The following GOLGA6D variants were observed in gnomAD, a reference collection of about 807,000 sequenced individuals.
The protein encoded by GOLGA6D is golgin subfamily A member 6D.
Under a neutral mutation model 42.1 loss-of-function variants are expected in GOLGA6D, and 9 were observed. The observed-to-expected ratio is 0.21, with a 90% CI of 0.13 to 0.37. GOLGA6D has a LOEUF of 0.37. Ranked by LOEUF, GOLGA6D falls within the 10% of genes least tolerant of loss-of-function variation. The probability of loss-of-function intolerance (pLI) is 1.00; values close to 1 mark genes in which losing one functional copy is unlikely to be tolerated. For synonymous variants in GOLGA6D, 39 were observed against 167.3 expected, an observed-to-expected ratio of 0.23 and a Z score of 5.92; for missense variants, 87 against 420.8, an observed-to-expected ratio of 0.21 and a Z score of 6.94.
rs781058214 is a variant in GOLGA6D, at chr15:75,294,427, C to T, written c.2034C>T (p.Pro678=). 1.9e-6 allele frequency: 3 copies of T among 1,598,076 alleles called. No homozygotes were observed. The highest frequency in any genetic ancestry group is 2.6e-6 in the Non-Finnish European group (3 of 1,174,962). ...GGGAGGGTTCTCCCCATAACAACCC[C>T]ACTGTACAGCAGATCGTGCAGCTGT... is the stretch of plus-strand genomic sequence containing the variant. ...VAREGSPHNN[P]TVQQIVQLSP... is the part of the protein sequence containing the mutation. The change falls in exon 18 of 18, where the codon CCC becomes CCT. Residue 678 remains proline (P), a synonymous_variant. Transcript: ENST00000434739.
At chr15:75,284,801 AG>A (rs2070848869) in intron 2 of GOLGA6D, 32 bp downstream of exon 2, 1 of 69,782 alleles carries the variant, frequency 1.4e-5, no homozygotes, top group Non-Finnish European at 2.1e-5. Flanking sequence ...TCCTGGGGAC[AG>A]GGGGCCCAAG....
chr15:75,286,142 G>C (rs1371638278), intron 2 of GOLGA6D, among the ~76,000 whole-genome samples: 76 of 40,974 alleles, frequency 1.9e-3, no homozygotes, highest in African/African-American at 9.4e-3. Flanking sequence ...CTGTCACTCA[G>C]ACTGGAGTGG....
chr15:75,294,520 CCAGG>C lies in GOLGA6D; in HGVS notation c.*49_*52del. ...GCAAACCCTGCGTGCCATTCTTCTA[CCAGG>C]CAGCCGAGAACAGGGAGATAAACAT... On this transcript the variant is annotated 3_prime_UTR_variant, in exon 18 of 18. Transcript: ENST00000434739. 6.7e-7 allele frequency: 1 copy of C among 1,498,076 alleles called. No homozygotes were observed. The highest frequency in any genetic ancestry group is 9.0e-7 in the Non-Finnish European group (1 of 1,116,236). 92.8% of individuals were successfully genotyped at this position (1,498,076 alleles called of 1,614,324 possible). A position where few individuals can be genotyped will look rare whatever the true frequency, so the allele number is the denominator to read the frequency against.
At position 75,294,608 on chromosome 15, in the gene GOLGA6D, G is replaced by C; in HGVS notation, c.*133G>C. ...AACAACAACAACAACAAAAAGTTAC[G>C]GGGTTCATCTCCTACACAATTCATT... On this transcript the variant is annotated 3_prime_UTR_variant, in exon 18 of 18. Transcript: ENST00000434739. The C allele has an allele frequency of 1.1e-6, 1 of 904,056 alleles. No homozygotes were observed. The highest frequency in any genetic ancestry group is 1.9e-5 in the South Asian group (1 of 51,864). 56.0% of individuals were successfully genotyped at this position (904,056 alleles called of 1,614,324 possible). A position where few individuals can be genotyped will look rare whatever the true frequency, so the allele number is the denominator to read the frequency against.
At chr15:75,288,723 G>A (rs1327920756) in intron 7 of GOLGA6D, among the ~76,000 whole-genome samples, 2 of 27,912 alleles carry the variant, frequency 7.2e-5, no homozygotes. Flanking sequence ...GGAAAGGGGT[G>A]TGTGTGTGTG....
At chr15:75,278,995 T>C (rs1281596100), upstream of GOLGA6D, among the ~76,000 whole-genome samples, 1 of 148,424 alleles carries the variant, frequency 6.7e-6, no homozygotes, top group Non-Finnish European at 1.5e-5. Context: ...CACAGCAGCT[T>C]TCACTGTAAG....
the GOLGA6D span, among the ~76,000 whole-genome samples, chr15:75,277,688 C>T: frequency 5.5e-5 from 7 of 127,256 alleles, no homozygotes; most frequent in East Asian, 1.1e-3. Flanking sequence ...TAGCCAGGCA[C>T]GGTGGTGCCT....
At chr15:75,288,723 GT>G (rs2070865563) in intron 7 of GOLGA6D, among the ~76,000 whole-genome samples, 4 of 27,936 alleles carry the variant, frequency 1.4e-4, no homozygotes, top group Admixed American at 4.3e-4. Context: ...GGAAAGGGGT[GT>G]GTGTGTGTGT....
chr15:75,294,532 G>A lies in GOLGA6D; in HGVS notation c.*57G>A. 7.0e-7 allele frequency: 1 copy of A among 1,425,156 alleles called. No individual in the cohort carries two copies. The highest frequency in any genetic ancestry group is 2.3e-5 in the East Asian group (1 of 42,980). The allele number at this position is 1,425,156 out of a possible 1,614,324, so 88.3% of individuals were successfully genotyped here. A position where few individuals can be genotyped will look rare whatever the true frequency, so the allele number is the denominator to read the frequency against. ...TGCCATTCTTCTACCAGGCAGCCGA[G>A]AACAGGGAGATAAACATCATCATCT... On this transcript the variant is annotated 3_prime_UTR_variant, in exon 18 of 18. Transcript: ENST00000434739.
chr15:75,294,225 GCC>G lies in GOLGA6D; in HGVS notation c.1923_1924del (p.Gln642GlyfsTer7). On this transcript the variant is annotated frameshift_variant, in exon 17 of 18. Coordinates refer to ENST00000434739, the MANE Select transcript of GOLGA6D (RefSeq NM_001145224.3). LOFTEE classifies it low-confidence loss of function (END_TRUNC). Reference sequence around the variant, plus strand: ...TGATGAGCCCACTCCAGGGGCCCCAGCCCCCCAGGAACTTGGGGCTGCCGGTG... The same window carrying G: ...TGATGAGCCCACTCCAGGGGCCCCAGCCCCAGGAACTTGGGGCTGCCGGTG... ...PADEPTPGAP[A>X]PQELGAAGEQ... is the part of the protein sequence containing the mutation. 2 of 1,392,378 alleles carry G rather than the reference GCC, an allele frequency of 1.4e-6. No homozygotes were observed. The highest frequency in any genetic ancestry group is 2.5e-5 in the Admixed American group (1 of 39,404). The allele number at this position is 1,392,378 out of a possible 1,614,324, so 86.3% of individuals were successfully genotyped here.
chr15:75,276,903 AG>A, the GOLGA6D span, among the ~76,000 whole-genome samples: 5 of 27,010 alleles, frequency 1.9e-4, no homozygotes, highest in Admixed American at 5.0e-4. Context: ...GGGTAGGGGC[AG>A]GGGCACTTCA....
the GOLGA6D span, among the ~76,000 whole-genome samples, chr15:75,277,796 T>G: frequency 6.8e-6 from 1 of 147,714 alleles, no homozygotes; most frequent in Non-Finnish European, 1.5e-5. Context: ...AGTGACACCC[T>G]GTCTTAAAAA....
At position 75,294,524 on chromosome 15, in the gene GOLGA6D, G is replaced by A. The variant is rs199583587; in HGVS notation, c.*49G>A. 0.066 allele frequency: 97,382 copies of A among 1,477,190 alleles called. 4,342 individuals carry two copies. The highest frequency in any genetic ancestry group is 0.074 in the Non-Finnish European group (81,456 of 1,099,658). 91.5% of individuals were successfully genotyped at this position (1,477,190 alleles called of 1,614,324 possible). ...ACCCTGCGTGCCATTCTTCTACCAG[G>A]CAGCCGAGAACAGGGAGATAAACAT... On this transcript the variant is annotated 3_prime_UTR_variant, in exon 18 of 18. Coordinates refer to ENST00000434739, the MANE Select transcript of GOLGA6D (RefSeq NM_001145224.3).
At chr15:75,278,741 G>T (rs2070836657), upstream of GOLGA6D, among the ~76,000 whole-genome samples, 1 of 151,870 alleles carries the variant, frequency 6.6e-6, no homozygotes, top group Admixed American at 6.6e-5. Flanking sequence ...CTAGAAAGTT[G>T]AGAGATTCCC....
At chr15:75,288,718 G>A (rs1403911526) in intron 7 of GOLGA6D, among the ~76,000 whole-genome samples, 51 of 91,066 alleles carry the variant, frequency 5.6e-4, no homozygotes, top group South Asian at 9.3e-4. Flanking sequence ...AGAGAGGAAA[G>A]GGGTGTGTGT....
chr15:75,278,826 C>G (rs537047448), upstream of GOLGA6D, among the ~76,000 whole-genome samples: 1 of 151,766 alleles, frequency 6.6e-6, no homozygotes, highest in African/African-American at 2.4e-5. Flanking sequence ...GACACATGCT[C>G]ATACTTATTA....
the GOLGA6D span, among the ~76,000 whole-genome samples, chr15:75,276,359 C>G: frequency 6.6e-6 from 1 of 151,096 alleles, no homozygotes; most frequent in East Asian, 1.9e-4. Context: ...GGTGCAGGTC[C>G]CATTGTGCCA....
In GOLGA6D at chr15:75,294,486, G is replaced by T. The variant is rs779936897; in HGVS notation, c.*11G>T. 1.3e-6 allele frequency: 2 copies of T among 1,567,438 alleles called. 1 individual carries two copies. Among genetic ancestry groups the T allele is most frequent in the Non-Finnish European group, 1.7e-6 (2 of 1,164,076 alleles). ...ATGCAGGACACCTAGGAGCACCCAG[G>T]CTTGCCCAGCAAACCCTGCGTGCCA... On this transcript the variant is annotated 3_prime_UTR_variant, in exon 18 of 18. Coordinates refer to ENST00000434739, the MANE Select transcript of GOLGA6D (RefSeq NM_001145224.3).
At position 75,290,385 on chromosome 15, in the gene GOLGA6D, G is replaced by GC; in HGVS notation, c.857dup (p.Ser287IlefsTer17). 1 of 1,153,766 alleles carries GC rather than the reference G, an allele frequency of 8.7e-7. No individual in the cohort carries two copies. Among genetic ancestry groups the GC allele is most frequent in the Non-Finnish European group, 1.1e-6 (1 of 892,788 alleles). The allele number at this position is 1,153,766 out of a possible 1,614,324, so 71.5% of individuals were successfully genotyped here. ...ATTGTCTGCTTCATTTCTCAGCTGA[G>GC]CCCCCATCCCTGGCACCCCCAGCAG... On this transcript the variant is annotated frameshift_variant, in exon 11 of 18. Coordinates refer to ENST00000434739, the MANE Select transcript of GOLGA6D (RefSeq NM_001145224.3). LOFTEE classifies it high-confidence loss of function.
Sources: gnomAD v4.1 joint callset for allele counts (sites outside exome capture counted in the v4.1 genomes callset) on GRCh38, gnomAD v4.1.1 for gene constraint, MANE v1.5 for transcripts, NCBI Gene and HGNC (gene_info 2026-07-23, HGNC 2026-07-21) for gene names.